DENND2B: variants seen among roughly 807,000 people sequenced by gnomAD.
The protein encoded by DENND2B is DENN domain-containing protein 2B.
A neutral mutation model predicts 116.0 loss-of-function variants in DENND2B; 32 were observed. That is an observed-to-expected ratio of 0.28 (90% CI 0.21 to 0.37). The LOEUF (loss-of-function observed/expected upper bound fraction) is 0.37. Among genes scored for constraint, DENND2B ranks in the 10% least tolerant of loss-of-function variants. DENND2B has a pLI of 1.00. For synonymous variants in DENND2B, 588 were observed against 583.9 expected (o/e 1.01, Z -0.10); for missense variants, 1,276 against 1,477.7 (o/e 0.86, Z 2.24).
At position 8,876,994 on chromosome 11, in the gene DENND2B, G is replaced by T. The variant is rs941515641; in HGVS notation, c.-156+4016C>A. Among the ~76,000 whole-genome samples the T allele has an allele frequency of 3.3e-5, 5 of 151,914 alleles. No individual in the cohort carries two copies. The East Asian group carries it at 9.7e-4, about 29-fold the overall frequency. ...GAGAGGAGATGTCAGGTGGCCTTTA[G>T]ACGGACAGGAGACAAGCTCAGAAAG... On this transcript the variant is annotated intron_variant, in intron 2 of 22. Transcript: ENST00000534127.
chr11:8,723,111 A>T (rs1007488595), intron 4 of DENND2B, among the ~76,000 whole-genome samples: 5 of 151,288 alleles, frequency 3.3e-5, no homozygotes, highest in African/African-American at 1.2e-4. Flanking sequence ...TGCAGGGTAC[A>T]TTCTAGTTTG....
At chr11:8,772,176 T>C (rs932373824) in intron 1 of DENND2B, among the ~76,000 whole-genome samples, 11 of 151,652 alleles carry the variant, frequency 7.3e-5, no homozygotes, top group Admixed American at 2.0e-4. Context: ...TTTTGCCCTA[T>C]GCATCTCTTC....
At chr11:8,887,656 C>G (rs562483287) in intron 1 of DENND2B, among the ~76,000 whole-genome samples, 1 of 152,318 alleles carries the variant, frequency 6.6e-6, no homozygotes, top group Admixed American at 6.5e-5. Context: ...TCTCTTTCTT[C>G]TTTCTCATAC....
chr11:8,825,812 G>A (rs183802739), intron 4 of DENND2B, among the ~76,000 whole-genome samples: 2 of 152,244 alleles, frequency 1.3e-5, no homozygotes, highest in East Asian at 1.9e-4. Flanking sequence ...CTGAGGAAAG[G>A]TTCAATATGA....
intron 4 of DENND2B, among the ~76,000 whole-genome samples, chr11:8,828,275 C>T (rs1594136197): frequency 6.6e-6 from 1 of 152,148 alleles, no homozygotes. Flanking sequence ...ACTTCCTCTT[C>T]CAGAAGTGCC....
intron 1 of DENND2B, among the ~76,000 whole-genome samples, chr11:8,900,694 C>T (rs1225717880): frequency 3.3e-5 from 5 of 151,300 alleles, no homozygotes; most frequent in Non-Finnish European, 2.9e-5. Context: ...AGGCCGGGTG[C>T]GGTGGCTCAT....
chr11:8,837,734 T>A (rs1267804731), intron 4 of DENND2B, among the ~76,000 whole-genome samples: 1 of 152,158 alleles, frequency 6.6e-6, no homozygotes, highest in Non-Finnish European at 1.5e-5. Context: ...ACCCTCAGGG[T>A]ACAAGAATTT....
Position 8,712,435 on chromosome 11 carries a change from G to C in DENND2B, c.2172+116C>G. 8.2e-7 allele frequency: 1 copy of C among 1,224,402 alleles called. No homozygotes were observed. The highest frequency in any genetic ancestry group is 1.1e-6 in the Non-Finnish European group (1 of 893,932). 75.8% of individuals were successfully genotyped at this position (1,224,402 alleles called of 1,614,324 possible). ...TGAGAGGAGGCAGGTTCAGGGCTGT[G>C]GCAGCTCGGTGAGGACGTATGACGA... On this transcript the variant is annotated intron_variant, in intron 9 of 19. Transcript: ENST00000313726. The surrounding 1 kb of genome is among the most constrained non-coding windows in gnomAD (Gnocchi z 4.4).
At chr11:8,824,591 G>A (rs1215302471) in intron 4 of DENND2B, among the ~76,000 whole-genome samples, 2 of 152,024 alleles carry the variant, frequency 1.3e-5, no homozygotes, top group Non-Finnish European at 2.9e-5. Flanking sequence ...TCTTTAACCA[G>A]TCTACTGCGA....
At chr11:8,738,985 C>T (rs1377836864) in intron 2 of DENND2B, among the ~76,000 whole-genome samples, 1 of 152,204 alleles carries the variant, frequency 6.6e-6, no homozygotes, top group Non-Finnish European at 1.5e-5. Flanking sequence ...TTGCACCAGA[C>T]TGTTTCCTCT....
chr11:8,807,451 G>C lies in DENND2B; in HGVS notation c.-26+3066C>G, dbSNP rs563098863. On this transcript the variant is annotated intron_variant, in intron 1 of 19. Transcript: ENST00000313726. ...GCCATGATACTTGGATTGCCCTCCT[G>C]AATCTGTACACCCCGCCCTTCATTC... is the stretch of plus-strand genomic sequence containing the variant. Among the ~76,000 whole-genome samples the C allele has an allele frequency of 1.3e-4, 20 of 152,278 alleles. No individual in the cohort carries two copies. In the East Asian group the frequency reaches 3.7e-3, roughly 28 times the overall value.
At position 8,868,438 on chromosome 11, in the gene DENND2B, A is replaced by G. The variant is rs544766567; in HGVS notation, c.-250+2516T>C. 4.6e-5 allele frequency among the ~76,000 whole-genome samples: 7 copies of G among 152,298 alleles called. No homozygotes were observed. The South Asian group carries it at 1.5e-3, about 32-fold the overall frequency. Reference sequence around the variant, plus strand: ...GTTCCAGCCCTTGAGCCAGAATTCAACCTGACCACAGTTCGGCTTCCACTG... The same window carrying G: ...GTTCCAGCCCTTGAGCCAGAATTCAGCCTGACCACAGTTCGGCTTCCACTG... On this transcript the variant is annotated intron_variant, in intron 2 of 6. Coordinates refer to the DENND2B transcript ENST00000524757.
intron 4 of DENND2B, among the ~76,000 whole-genome samples, chr11:8,829,964 C>T (rs1462667413): frequency 2.0e-5 from 3 of 152,156 alleles, no homozygotes; most frequent in Non-Finnish European, 4.4e-5. Context: ...CCGTCTTGCC[C>T]CTCAAGTTCA....
intron 2 of DENND2B, among the ~76,000 whole-genome samples, chr11:8,867,118 CCAAGTCTCCAGAGCA>C (rs2063608526): frequency 6.6e-6 from 1 of 152,168 alleles, no homozygotes; most frequent in African/African-American, 2.4e-5. Context: ...GGCCAAACAA[CCAAGTCTCCAGAGCA>C]CTAGCAAGTT....
intron 1 of DENND2B, among the ~76,000 whole-genome samples, chr11:8,894,277 C>G (rs2064071621): frequency 2.0e-5 from 3 of 152,170 alleles, no homozygotes; most frequent in South Asian, 2.1e-4. Context: ...AAATGTTCGA[C>G]CTAAAACCAT....
In DENND2B at chr11:8,695,454, G is replaced by A; in HGVS notation, c.3379+9C>T. 1.2e-6 allele frequency: 2 copies of A among 1,612,528 alleles called. No homozygotes were observed. The highest frequency in any genetic ancestry group is 1.1e-5 in the South Asian group (1 of 91,058). On this transcript the variant is annotated intron_variant, in intron 19 of 19. Transcript: ENST00000313726. ...GAACATCTATCTCATCAGTAACAAG[G>A]CCACTTACCCAAACCTCGGAGAAAC...
intron 2 of DENND2B, among the ~76,000 whole-genome samples, chr11:8,745,187 T>G (rs1342356947): frequency 6.6e-6 from 1 of 152,126 alleles, no homozygotes; most frequent in Non-Finnish European, 1.5e-5. Flanking sequence ...CCAGAGTAGC[T>G]GGGACTACAG....
intron 4 of DENND2B, among the ~76,000 whole-genome samples, chr11:8,723,609 C>T (rs959990462): frequency 3.3e-5 from 5 of 152,168 alleles, no homozygotes; most frequent in Admixed American, 1.3e-4. Context: ...GCACTGGCTG[C>T]CTCTTGGGTG....
At chr11:8,838,040 T>C (rs1284492738) in intron 4 of DENND2B, among the ~76,000 whole-genome samples, 2 of 152,234 alleles carry the variant, frequency 1.3e-5, no homozygotes, top group Non-Finnish European at 2.9e-5. Flanking sequence ...CAGGCAGTTA[T>C]CTCCTTAAGT....
Sources: gnomAD v4.1 joint callset for allele counts (sites outside exome capture counted in the v4.1 genomes callset) on GRCh38, gnomAD v4.1.1 for gene constraint, Gnocchi (gnomAD v3.1) non-coding constraint, MANE v1.5 for transcripts, NCBI Gene and HGNC (gene_info 2026-07-23, HGNC 2026-07-21) for gene names.